Variants in TRPM3 observed in about 807,000 individuals in gnomAD.
The protein encoded by TRPM3 is long transient receptor potential channel 3.
In TRPM3, 77 loss-of-function variants were observed where a neutral mutation model predicts 181.2. The ratio of observed to expected loss-of-function variants is 0.42; its 90% CI spans 0.35 to 0.51. The LOEUF is 0.51. Ranked by LOEUF, TRPM3 falls within the 20% of genes least tolerant of loss-of-function variation. The pLI, the probability that TRPM3 is intolerant of heterozygous loss-of-function variation, is 0.01. For synonymous variants in TRPM3, 745 were observed against 796.4 expected, an observed-to-expected ratio of 0.94 and a Z score of 1.09; for missense variants, 1,759 against 2,196.7, an observed-to-expected ratio of 0.80 and a Z score of 3.98.
At chr9:70,565,513 G>C (rs1377259493) in intron 22 of TRPM3, among the ~76,000 whole-genome samples, 1 of 151,918 alleles carries the variant, frequency 6.6e-6, no homozygotes, top group Admixed American at 6.6e-5. Context: ...GGCTGGTCTC[G>C]AACCGCTGAC....
chr9:70,636,012 T>A (rs1420788474), intron 11 of TRPM3, among the ~76,000 whole-genome samples: 1 of 152,162 alleles, frequency 6.6e-6, no homozygotes, highest in African/African-American at 2.4e-5. Context: ...TTATTACCCA[T>A]CATGAATGAG....
At chr9:71,067,815 C>CATACTAAGA (rs1264170599) in intron 1 of TRPM3, among the ~76,000 whole-genome samples, 8 of 152,196 alleles carry the variant, frequency 5.3e-5, no homozygotes, top group Non-Finnish European at 2.9e-5. Flanking sequence ...TCAATGACCA[C>CATACTAAGA]ATACTAAGAT....
At chr9:70,771,978 T>C (rs1157515081) in intron 7 of TRPM3, among the ~76,000 whole-genome samples, 1 of 152,208 alleles carries the variant, frequency 6.6e-6, no homozygotes, top group Non-Finnish European at 1.5e-5. Context: ...GTGCCTAGAA[T>C]AGTGCCTGGA....
At chr9:71,262,610 C>G (rs1202769695) in intron 1 of TRPM3, among the ~76,000 whole-genome samples, 1 of 152,250 alleles carries the variant, frequency 6.6e-6, no homozygotes, top group Non-Finnish European at 1.5e-5. Context: ...AGCTCAGTGT[C>G]TGCCCAAATG....
chr9:70,749,520 C>A (rs572089973), intron 8 of TRPM3, among the ~76,000 whole-genome samples: 47 of 152,084 alleles, frequency 3.1e-4, no homozygotes, highest in Middle Eastern at 3.4e-3. Flanking sequence ...AGCCATTGGA[C>A]AACTATCTTA....
At chr9:70,698,450 T>A (rs898070549) in intron 8 of TRPM3, among the ~76,000 whole-genome samples, 1 of 152,110 alleles carries the variant, frequency 6.6e-6, no homozygotes, top group African/African-American at 2.4e-5. Context: ...TTGTTTTCTG[T>A]TGAAAGTTAA....
chr9:71,404,445 T>C (rs892727091), intron 1 of TRPM3, among the ~76,000 whole-genome samples: 5 of 152,150 alleles, frequency 3.3e-5, no homozygotes, highest in Non-Finnish European at 5.9e-5. Flanking sequence ...AACTTATTCA[T>C]CTCTCTTTTT....
At chr9:71,044,018 ATT>A (rs2059138045) in intron 1 of TRPM3, among the ~76,000 whole-genome samples, 1 of 152,012 alleles carries the variant, frequency 6.6e-6, no homozygotes, top group Admixed American at 6.5e-5. Context: ...ATCTCACAAT[ATT>A]CCATTATCTT....
intron 6 of TRPM3, among the ~76,000 whole-genome samples, chr9:70,812,023 A>T (rs1049047611): frequency 6.6e-5 from 10 of 152,200 alleles, no homozygotes; most frequent in African/African-American, 2.4e-4. Flanking sequence ...TTCCCAAACT[A>T]GGAGATAAAC....
At chr9:71,260,208 T>C (rs2082948260) in intron 1 of TRPM3, among the ~76,000 whole-genome samples, 1 of 152,178 alleles carries the variant, frequency 6.6e-6, no homozygotes, top group Admixed American at 6.5e-5. Context: ...TGGTGTTATT[T>C]CTGAGGCCTC....
intron 1 of TRPM3, among the ~76,000 whole-genome samples, chr9:71,206,994 T>C (rs1470662003): frequency 6.6e-6 from 1 of 152,002 alleles, no homozygotes; most frequent in Non-Finnish European, 1.5e-5. Flanking sequence ...TCTTTATCAG[T>C]AGTTGAGTTG....
chr9:71,299,869 A>G (rs2132320375), intron 1 of TRPM3, among the ~76,000 whole-genome samples: 2 of 152,262 alleles, frequency 1.3e-5, no homozygotes, highest in South Asian at 4.1e-4. Context: ...CTAAGCTTAA[A>G]TAGATATATT....
chr9:71,274,333 T>C (rs938758081), intron 1 of TRPM3, among the ~76,000 whole-genome samples: 4 of 152,234 alleles, frequency 2.6e-5, no homozygotes, highest in African/African-American at 9.6e-5. Flanking sequence ...GTGGTTTTAC[T>C]GGGTAAGACT....
intron 1 of TRPM3, among the ~76,000 whole-genome samples, chr9:71,319,491 TTC>T (rs1054162700): frequency 1.3e-5 from 2 of 152,036 alleles, no homozygotes; most frequent in African/African-American, 2.4e-5. Flanking sequence ...TCCTCTACCG[TTC>T]TGTTTTATTT....
chr9:71,072,194 T>C (rs1306350245), intron 1 of TRPM3, among the ~76,000 whole-genome samples: 1 of 152,210 alleles, frequency 6.6e-6, no homozygotes, highest in Non-Finnish European at 1.5e-5. Flanking sequence ...CCTTCATTGA[T>C]GGCAAATTCT....
intron 3 of TRPM3, among the ~76,000 whole-genome samples, chr9:70,847,888 A>G (rs1230997758): frequency 2.6e-5 from 4 of 152,244 alleles, no homozygotes; most frequent in African/African-American, 9.6e-5. Context: ...GATAACTGGT[A>G]GAAGTAAATG....
intron 8 of TRPM3, chr9:70,761,376 G>C: frequency 1.5e-6 from 1 of 670,318 alleles, no homozygotes; most frequent in Non-Finnish European, 2.7e-6. Context: ...GCTCCAAAAG[G>C]AAATGATGCT....
intron 1 of TRPM3, among the ~76,000 whole-genome samples, chr9:70,882,877 A>C (rs2096018467): frequency 6.6e-6 from 1 of 152,214 alleles, no homozygotes. Context: ...CAATGACTTC[A>C]TAATACCATA....
intron 8 of TRPM3, among the ~76,000 whole-genome samples, chr9:70,688,113 T>A (rs555852767): frequency 6.6e-6 from 1 of 152,308 alleles, no homozygotes; most frequent in Admixed American, 6.5e-5. Context: ...TCTTCTTGAT[T>A]CTGGTCCTGT....
Sources: gnomAD v4.1 joint callset for allele counts (sites outside exome capture counted in the v4.1 genomes callset) on GRCh38, gnomAD v4.1.1 for gene constraint, MANE v1.5 for transcripts, NCBI Gene and HGNC (gene_info 2026-07-23, HGNC 2026-07-21) for gene names.